The following CLCNKA variants were observed in gnomAD, a reference collection of about 807,000 sequenced individuals.
CLCNKA encodes chloride channel protein ClC-Ka.
Under a neutral mutation model 83.3 loss-of-function variants are expected in CLCNKA, and 66 were observed. The ratio of observed to expected loss-of-function variants is 0.79; its 90% CI spans 0.65 to 0.97. The LOEUF (loss-of-function observed/expected upper bound fraction) is 0.97. CLCNKA is among the 50% of genes least tolerant of loss of function. The pLI is 0.00. For synonymous variants in CLCNKA, 357 were observed against 370.4 expected (o/e 0.96, Z 0.42); for missense variants, 806 against 888.7 (o/e 0.91, Z 1.18).
At chr1:16,026,478 T>C (rs2022352582) in intron 5 of CLCNKA, 58 bp from the exon 6 acceptor site, 1 of 1,585,784 alleles carries the variant, frequency 6.3e-7, no homozygotes, top group African/African-American at 1.8e-5. Context: ...GAAGCCGTGC[T>C]GCCTCGGGGT....
intron 15 of CLCNKA, among the ~76,000 whole-genome samples, chr1:16,030,991 CAG>C (rs1557455897): frequency 6.6e-6 from 1 of 152,208 alleles, no homozygotes; most frequent in Non-Finnish European, 1.5e-5. Context: ...CCAGGTGACA[CAG>C]AGAGTCAGCA....
Position 16,030,742 on chromosome 1 carries a change from G to A in CLCNKA, c.1622+68G>A. 2.5e-6 allele frequency: 4 copies of A among 1,598,054 alleles called. No homozygotes were observed. The South Asian group carries it at 4.4e-5, about 18-fold the overall frequency. On this transcript the variant is annotated intron_variant, in intron 15 of 19. Transcript: ENST00000331433. The stretch of plus-strand genomic sequence containing the variant: ...GTTTGGGCTTGGCTGGGGGTGGAGG[G>A]CACCTCCAAAAAGAAACACCACCGC...
rs377060041 is a variant in CLCNKA, at chr1:16,028,432, C to T, written c.968+313C>T. ...CCCTGGCGTTGGCCTTGGCATTGGC[C>T]AGCCCTCCTGCCCCGGAGATGCACA... On this transcript the variant is annotated intron_variant, in intron 10 of 19. Transcript: ENST00000331433. 3.1e-4 allele frequency among the ~76,000 whole-genome samples: 47 copies of T among 152,312 alleles called. No individual in the cohort carries two copies. In the South Asian group the frequency reaches 7.5e-3, roughly 24 times the overall value.
chr1:16,028,728 G>A, intron 10 of CLCNKA, 33 bp from the exon 11 acceptor site: 2 of 1,612,466 alleles, frequency 1.2e-6, no homozygotes, highest in Non-Finnish European at 1.7e-6. Flanking sequence ...AGGAAAGGGA[G>A]GGCCAGCCCT....
At chr1:16,029,331 G>A in intron 12 of CLCNKA, 32 bp downstream of exon 12, 1 of 1,613,450 alleles carries the variant, frequency 6.2e-7, no homozygotes, top group Non-Finnish European at 8.5e-7. Flanking sequence ...TGTGCACAGA[G>A]CCAGGACCAG....
At chr1:16,032,096 C>T (rs2022647183) in intron 16 of CLCNKA, 107 bp from the exon 17 acceptor site, 3 of 1,237,792 alleles carry the variant, frequency 2.4e-6, no homozygotes, top group Admixed American at 1.7e-5. Context: ...CCCTGGGCAG[C>T]TGCTGGGGTA....
chr1:16,030,556 C>T lies in CLCNKA; in HGVS notation c.1504C>T (p.Leu502=). 1.9e-6 allele frequency: 3 copies of T among 1,613,112 alleles called. No homozygotes were observed. The highest frequency in any genetic ancestry group is 2.5e-6 in the Non-Finnish European group (3 of 1,180,026). Residue 502 remains leucine (L), a synonymous_variant, in exon 15 of 20, where the codon CTG becomes TTG. Transcript: ENST00000331433. ...CCAGATAGTGCATGCACTGCCCGTG[C>T]TGATGGCGGTGCTGGCAGCCAACGC... The part of the protein sequence containing the change: ...TGQIVHALPV[L]MAVLAANAIA...
At chr1:16,031,922 G>A in intron 16 of CLCNKA, 79 bp downstream of exon 16, 1 of 1,605,196 alleles carries the variant, frequency 6.2e-7, no homozygotes, top group South Asian at 1.1e-5. Context: ...AGGCAGACAG[G>A]ATCTGCATCC....
chr1:16,032,009 A>G (rs1385882543), intron 16 of CLCNKA, among the ~76,000 whole-genome samples, 166 bp downstream of exon 16: 3 of 152,198 alleles, frequency 2.0e-5, no homozygotes, highest in African/African-American at 7.2e-5. Context: ...CTCATCAGCA[A>G]AATGGAAATC....
Position 16,030,470 on chromosome 1 carries a change from C to A in CLCNKA, c.1418C>A (p.Ala473Asp), listed in dbSNP as rs745867510. ...GGCTCTGCCCCGGCAGGGGCTGCAG[C>A]CTTCTCAGGGGCTGTGACCCACACC... ...PGGYALAGAA[A>D]FSGAVTHTIS... The change falls in exon 15 of 20, where the codon GCC becomes GAC. Residue 473 changes from alanine to aspartate, a missense_variant. Physicochemically the swap from Ala to Asp is moderately radical, Grantham distance 126 (BLOSUM62 -2). Coordinates refer to ENST00000331433, the MANE Select transcript of CLCNKA (RefSeq NM_004070.4). 7.4e-6 allele frequency: 12 copies of A among 1,612,686 alleles called. No individual in the cohort carries two copies. The East Asian group carries it at 2.7e-4, about 36-fold the overall frequency.
rs765124101 is a variant in CLCNKA at position 16,024,752 on chromosome 1, G to A, written c.230-11G>A. 2 of 1,613,848 alleles carry A rather than the reference G, an allele frequency of 1.2e-6. No homozygotes were observed. The highest frequency in any genetic ancestry group is 3.3e-5 in the Admixed American group (2 of 60,010). ...GCTGTGGGTGCCTCCCTGATACGCG[G>A]CTGTCCCCAGCACACCAGTGGCTGT... On this transcript the variant is annotated splice_polypyrimidine_tract_variant and intron_variant, in intron 3 of 19. Coordinates refer to ENST00000331433, the MANE Select transcript of CLCNKA (RefSeq NM_004070.4).
At chr1:16,030,759 C>A in intron 15 of CLCNKA, 85 bp downstream of exon 15, 1 of 1,562,082 alleles carries the variant, frequency 6.4e-7, no homozygotes, top group Non-Finnish European at 8.7e-7. Context: ...CAAAAAGAAA[C>A]ACCACCGCAG....
At position 16,025,962 on chromosome 1, in the gene CLCNKA, G is replaced by A. The variant is rs2022327870; in HGVS notation, c.359-146G>A. 4.8e-6 allele frequency: 5 copies of A among 1,041,684 alleles called. No homozygotes were observed. In the Admixed American group the frequency reaches 6.9e-5, roughly 14 times the overall value. 64.5% of individuals were successfully genotyped at this position (1,041,684 alleles called of 1,614,324 possible). A position where few individuals can be genotyped will look rare whatever the true frequency, so the allele number is the denominator to read the frequency against. On this transcript the variant is annotated intron_variant, in intron 4 of 19. Transcript: ENST00000331433. ...GTAGAGATGGGGTTTCACCATGTTG[G>A]CAAGGCTGGTCTCGAACTCCTGACC... is the stretch of plus-strand genomic sequence containing the variant.
rs760523300 is a variant in CLCNKA, at chr1:16,029,997, C to T, written c.1330C>T (p.Leu444Phe). ...CATCGGGCGCCTCTTGGGAGAGGCT[C>T]TTGCCGTCGCCTTCCCTGAGGGCAT... is the stretch of plus-strand genomic sequence containing the variant. The part of the protein sequence containing the change: ...AAIGRLLGEA[L>F]AVAFPEGIVT... Residue 444 changes from leucine (L) to phenylalanine (F), a missense_variant, in exon 14 of 20, where the codon CTT (leucine) becomes TTT (phenylalanine). Transcript: ENST00000331433. 3.1e-6 allele frequency: 5 copies of T among 1,611,418 alleles called. No homozygotes were observed. Among genetic ancestry groups the T allele is most frequent in the Non-Finnish European group, 4.2e-6 (5 of 1,177,894 alleles).
chr1:16,030,112 G>A lies in CLCNKA; in HGVS notation c.1408+37G>A, dbSNP rs759333459. 309 of 1,471,530 alleles carry A rather than the reference G, an allele frequency of 2.1e-4. 2 individuals are homozygous for A. The South Asian group carries it at 2.8e-3, about 13-fold the overall frequency. 91.2% of individuals were successfully genotyped at this position (1,471,530 alleles called of 1,614,324 possible). A position where few individuals can be genotyped will look rare whatever the true frequency, so the allele number is the denominator to read the frequency against. On this transcript the variant is annotated intron_variant, in intron 14 of 19. Coordinates refer to ENST00000331433, the MANE Select transcript of CLCNKA (RefSeq NM_004070.4). The stretch of plus-strand genomic sequence containing the variant: ...ACGGCCCTGCTGGGTGGGCAATGTC[G>A]TGGGGCTGGGCTGGACCTGGAGAAT...
rs541959754 is a variant in CLCNKA at position 16,033,578 on chromosome 1, C to A, written c.2017-33C>A. 7.9e-6 allele frequency: 6 copies of A among 764,234 alleles called. No individual in the cohort carries two copies. In the East Asian group the frequency reaches 2.0e-4, roughly 25 times the overall value. 47.3% of individuals were successfully genotyped at this position (764,234 alleles called of 1,614,324 possible). Reference sequence around the variant, plus strand: ...CCCCCCTCACAACCTCCTCTACATCCCCCCCCACCTCCACCCCCTTTCTCT... The same window carrying A: ...CCCCCCTCACAACCTCCTCTACATCACCCCCCACCTCCACCCCCTTTCTCT... On this transcript the variant is annotated intron_variant, in intron 19 of 19. Transcript: ENST00000331433.
At chr1:16,030,723 G>C in intron 15 of CLCNKA, 49 bp downstream of exon 15, 1 of 1,611,204 alleles carries the variant, frequency 6.2e-7, no homozygotes, top group Non-Finnish European at 8.5e-7. Flanking sequence ...CAGTGTTTGG[G>C]CTTGGCTGGG....
intron 4 of CLCNKA, 77 bp downstream of exon 4, chr1:16,024,968 C>T (rs1277645200): frequency 1.1e-5 from 18 of 1,579,110 alleles, no homozygotes; most frequent in East Asian, 6.7e-5. Context: ...TGGGGGGAAT[C>T]GGGAAGCTGC....
chr1:16,027,857 T>C lies in CLCNKA; in HGVS notation c.818T>C (p.Val273Ala). The C allele has an allele frequency of 6.2e-7, 1 of 1,612,898 alleles. No individual in the cohort carries two copies. The highest frequency in any genetic ancestry group is 1.3e-5 in the African/African-American group (1 of 74,962). The change falls in exon 9 of 20, where the codon GTG becomes GCG. Residue 273 changes from valine to alanine, a missense_variant. Transcript: ENST00000331433. ...TCCCTCTACAAGACCAGTTTCCGGG[T>C]GGACGTTCCCTTCGACCTGCCTGAG... ...ITSLYKTSFR[V>A]DVPFDLPEIF...
Sources: gnomAD v4.1 joint callset for allele counts (sites outside exome capture counted in the v4.1 genomes callset) on GRCh38, gnomAD v4.1.1 for gene constraint, MANE v1.5 for transcripts, NCBI Gene and HGNC (gene_info 2026-07-23, HGNC 2026-07-21) for gene names.